The following MAPK8 variants were observed in gnomAD, a reference collection of about 807,000 sequenced individuals.
MAPK8 encodes the protein JUN N-terminal kinase.
In MAPK8, 13 loss-of-function variants were observed where a neutral mutation model predicts 52.9. The observed-to-expected ratio is 0.25, with a 90% CI of 0.16 to 0.39. The LOEUF (loss-of-function observed/expected upper bound fraction) is 0.39. MAPK8 is among the 10% of genes least tolerant of loss of function. The pLI, the probability that MAPK8 is intolerant of heterozygous loss-of-function variation, is 1.00. For synonymous variants in MAPK8, 191 were observed against 169.8 expected (o/e 1.12, Z -0.97); for missense variants, 300 against 519.2 (o/e 0.58, Z 4.10).
At chr10:48,341,610 G>A (rs78083115) in intron 1 of MAPK8, among the ~76,000 whole-genome samples, 1,722 of 152,220 alleles carry the variant, frequency 0.011, 37 homozygotes, top group African/African-American at 0.039. Flanking sequence ...CTTATTATGC[G>A]CCAGGCAGTA....
Position 48,436,163 on chromosome 10 carries a change from A to G in MAPK8, c.*1134A>G, listed in dbSNP as rs993430878. 2 of 152,364 alleles carry G rather than the reference A, an allele frequency of 1.3e-5. No individual in the cohort carries two copies. Among genetic ancestry groups the G allele is most frequent in the African/African-American group, 2.4e-5 (1 of 41,584 alleles). 9.4% of individuals were successfully genotyped at this position (152,364 alleles called of 1,614,324 possible). A position where few individuals can be genotyped will look rare whatever the true frequency, so the allele number is the denominator to read the frequency against. ...TGAGCAATATACCGTTCATCTGAAA[A>G]TAGTAGCACACAGCCATATATAGGA... On this transcript the variant is annotated 3_prime_UTR_variant, in exon 12 of 12. Coordinates refer to ENST00000374189, the MANE Select transcript of MAPK8 (RefSeq NM_001323329.2).
chr10:48,363,624 A>G (rs1408767584), intron 1 of MAPK8, among the ~76,000 whole-genome samples: 5 of 152,190 alleles, frequency 3.3e-5, no homozygotes, highest in Non-Finnish European at 7.3e-5. Flanking sequence ...TCCAAAGAAC[A>G]TATTTGTTAC....
intron 1 of MAPK8, among the ~76,000 whole-genome samples, chr10:48,319,192 C>A (rs1290130891): frequency 6.6e-6 from 1 of 152,122 alleles, no homozygotes; most frequent in Non-Finnish European, 1.5e-5. Flanking sequence ...ATAGAAAATA[C>A]CATAGTGTGT....
chr10:48,423,143 C>A (rs2043464719), intron 6 of MAPK8, among the ~76,000 whole-genome samples: 1 of 152,162 alleles, frequency 6.6e-6, no homozygotes, highest in Admixed American at 6.5e-5. Flanking sequence ...GCATAAAATG[C>A]CACGATGTGT....
chr10:48,386,850 C>T (rs2041343294), intron 1 of MAPK8, among the ~76,000 whole-genome samples: 1 of 152,076 alleles, frequency 6.6e-6, no homozygotes, highest in South Asian at 2.1e-4. Flanking sequence ...ACTTTACTGC[C>T]AAGGATATGG....
At chr10:48,338,302 T>C (rs7086070) in intron 1 of MAPK8, among the ~76,000 whole-genome samples, 76,607 of 151,940 alleles carry the variant, frequency 0.5, 19,919 homozygotes, top group Middle Eastern at 0.73. Flanking sequence ...GTTCAGAATA[T>C]ACAAATCAAT....
At chr10:48,362,161 C>CT (rs1428196339) in intron 1 of MAPK8, among the ~76,000 whole-genome samples, 2 of 152,092 alleles carry the variant, frequency 1.3e-5, no homozygotes, top group African/African-American at 4.8e-5. Context: ...GAATATTTTT[C>CT]TTTGACAGTT....
intron 1 of MAPK8, among the ~76,000 whole-genome samples, chr10:48,382,110 A>C (rs2041040454): frequency 6.6e-6 from 1 of 152,180 alleles, no homozygotes; most frequent in Non-Finnish European, 1.5e-5. Flanking sequence ...CCAGAATCTA[A>C]TGAGTCTAAT....
intron 9 of MAPK8, 104 bp from the exon 10 acceptor site, chr10:48,426,976 G>A: frequency 1.3e-6 from 1 of 777,384 alleles, no homozygotes; most frequent in South Asian, 1.5e-5. Flanking sequence ...TTGATCTAAT[G>A]ATATATTTTT....
intron 1 of MAPK8, among the ~76,000 whole-genome samples, chr10:48,397,871 G>T (rs991845538): frequency 6.6e-6 from 1 of 152,152 alleles, no homozygotes; most frequent in Non-Finnish European, 1.5e-5. Context: ...GATTACAGGA[G>T]TGAGCCACTG....
chr10:48,382,845 C>T (rs2132748963), intron 1 of MAPK8, among the ~76,000 whole-genome samples: 1 of 142,952 alleles, frequency 7.0e-6, no homozygotes, highest in Non-Finnish European at 1.5e-5. Context: ...ATATATACAG[C>T]TGTGTGTATA....
intron 3 of MAPK8, among the ~76,000 whole-genome samples, chr10:48,409,536 A>G (rs546852500): frequency 1.3e-5 from 2 of 152,310 alleles, no homozygotes; most frequent in African/African-American, 2.4e-5. Context: ...CTGAGATTAT[A>G]TAGAGATACT....
intron 1 of MAPK8, among the ~76,000 whole-genome samples, chr10:48,389,381 A>T (rs1212466094): frequency 1.3e-5 from 2 of 152,100 alleles, no homozygotes; most frequent in African/African-American, 4.8e-5. Flanking sequence ...ACTCACCTTA[A>T]AGGTTATTAT....
intron 1 of MAPK8, among the ~76,000 whole-genome samples, chr10:48,374,595 G>A (rs1303260480): frequency 1.3e-5 from 2 of 152,158 alleles, no homozygotes; most frequent in East Asian, 3.8e-4. Context: ...TACCATCAGA[G>A]AATACTATAA....
At chr10:48,334,298 T>C (rs1844452101) in intron 1 of MAPK8, among the ~76,000 whole-genome samples, 1 of 152,198 alleles carries the variant, frequency 6.6e-6, no homozygotes, top group African/African-American at 2.4e-5. Flanking sequence ...AGCTTTTCCC[T>C]GTGTACTCAA....
At chr10:48,327,576 T>C (rs1029825804) in intron 1 of MAPK8, among the ~76,000 whole-genome samples, 12 of 152,212 alleles carry the variant, frequency 7.9e-5, no homozygotes, top group African/African-American at 2.4e-4. Flanking sequence ...TTTATTATTA[T>C]TAGAGTAAGG....
intron 1 of MAPK8, among the ~76,000 whole-genome samples, chr10:48,334,511 A>G (rs373813502): frequency 6.6e-6 from 1 of 152,142 alleles, no homozygotes; most frequent in South Asian, 2.1e-4. Context: ...TGGCTTGTGC[A>G]TGAGGTTTCC....
rs753934668 is a variant in MAPK8 at position 48,430,967 on chromosome 10, TAC to T, written c.1061-224_1061-223del. The T allele has an allele frequency of 2.4e-4, 131 of 549,020 alleles. 1 individual carries two copies. In the Middle Eastern group the frequency reaches 3.9e-3, roughly 16 times the overall value. 34.0% of individuals were successfully genotyped at this position (549,020 alleles called of 1,614,324 possible). On this transcript the variant is annotated intron_variant, in intron 10 of 11. Transcript: ENST00000374189. ...CAAACCAACTTCAGAAACAGTGAATTACAGGAAAGATTAGTACTTCCTTTTAA... is the reference window on the plus strand; with the variant it reads ...CAAACCAACTTCAGAAACAGTGAATTAGGAAAGATTAGTACTTCCTTTTAA...
In MAPK8 at chr10:48,436,078, T is replaced by A. The variant is rs1264876524; in HGVS notation, c.*1049T>A. The A allele has an allele frequency of 6.6e-6, 1 of 152,220 alleles. No individual in the cohort carries two copies. Among genetic ancestry groups the A allele is most frequent in the Non-Finnish European group, 1.5e-5 (1 of 68,040 alleles). The allele number at this position is 152,220 out of a possible 1,614,324, so 9.4% of individuals were successfully genotyped here. On this transcript the variant is annotated 3_prime_UTR_variant, in exon 12 of 12. Coordinates refer to ENST00000374189, the MANE Select transcript of MAPK8 (RefSeq NM_001323329.2). ...TTGATTCTACTTGTAGCATAATCAT[T>A]TATACGAGCTATTGGGAGGTTCCAA... is the stretch of plus-strand genomic sequence containing the variant.
Sources: allele counts gnomAD v4.1 joint callset (sites outside exome capture counted in the v4.1 genomes callset), GRCh38; gene constraint gnomAD v4.1.1; transcripts MANE v1.5; gene names NCBI Gene and HGNC (gene_info 2026-07-23, HGNC 2026-07-21).